SDCCAG8: variants seen among roughly 807,000 people sequenced by gnomAD.
SDCCAG8 encodes SHH signaling and ciliogenesis regulator SDCCAG8.
A neutral mutation model predicts 101.8 loss-of-function variants in SDCCAG8; 74 were observed. The observed-to-expected ratio is 0.73, with a 90% confidence interval of 0.60 to 0.88. The LOEUF is 0.88. Among genes scored for constraint, SDCCAG8 ranks in the 40% least tolerant of loss-of-function variants. SDCCAG8 has a pLI of 0.00. For synonymous variants in SDCCAG8, 281 were observed against 292.9 expected, an observed-to-expected ratio of 0.96 and a Z score of 0.41; for missense variants, 787 against 822.6, an observed-to-expected ratio of 0.96 and a Z score of 0.53.
rs185996541 is a variant in SDCCAG8 at position 243,320,632 on chromosome 1, C to T, written c.1068+3739C>T. 4.1e-3 allele frequency among the ~76,000 whole-genome samples: 629 copies of T among 152,236 alleles called. 4 individuals are homozygous for T. Among genetic ancestry groups the T allele is most frequent in the Non-Finnish European group, 6.1e-3 (415 of 68,016 alleles). ...CATTCACTGGCTGTGTGACCTTGGACGAGTTACTTTAACTTCTCTGTGCCC... is the reference window on the plus strand; with the variant it reads ...CATTCACTGGCTGTGTGACCTTGGATGAGTTACTTTAACTTCTCTGTGCCC... On this transcript the variant is annotated intron_variant, in intron 9 of 17. Transcript: ENST00000366541.
chr1:243,473,442 A>G (rs1661638731), intron 16 of SDCCAG8, among the ~76,000 whole-genome samples: 1 of 152,220 alleles, frequency 6.6e-6, no homozygotes. Flanking sequence ...AACAAAGTAA[A>G]AAATTCTCTT....
intron 13 of SDCCAG8, among the ~76,000 whole-genome samples, chr1:243,389,122 G>A (rs985862435): frequency 1.4e-4 from 21 of 151,728 alleles, no homozygotes; most frequent in Non-Finnish European, 5.9e-5. Flanking sequence ...ACTCCAGCCT[G>A]GGCGACAGAG....
intron 12 of SDCCAG8, among the ~76,000 whole-genome samples, chr1:243,374,159 C>G (rs951040035): frequency 6.6e-6 from 1 of 151,812 alleles, no homozygotes; most frequent in Non-Finnish European, 1.5e-5. Context: ...GAGGTGTCAT[C>G]AGTCAAAGAA....
At chr1:243,326,112 G>GA (rs920776209) in intron 9 of SDCCAG8, among the ~76,000 whole-genome samples, 5 of 149,790 alleles carry the variant, frequency 3.3e-5, no homozygotes, top group South Asian at 2.1e-4. Context: ...ACCCTCTAAG[G>GA]AAAAAAAAAA....
chr1:243,399,555 A>G (rs2079240371), intron 13 of SDCCAG8, among the ~76,000 whole-genome samples: 1 of 152,072 alleles, frequency 6.6e-6, no homozygotes, highest in South Asian at 2.1e-4. Flanking sequence ...CGCCCAGGCT[A>G]GAGTGCAGTG....
At chr1:243,266,287 C>T (rs1407777294) in intron 1 of SDCCAG8, among the ~76,000 whole-genome samples, 1 of 151,754 alleles carries the variant, frequency 6.6e-6, no homozygotes, top group Non-Finnish European at 1.5e-5. Flanking sequence ...AGATTTTGTA[C>T]CCTTTGACCA....
intron 7 of SDCCAG8, chr1:243,307,346 A>C: frequency 1.0e-6 from 1 of 979,766 alleles, no homozygotes; most frequent in Non-Finnish European, 1.2e-6. Flanking sequence ...CTACCCCTGA[A>C]ATCTTATGAC....
intron 3 of SDCCAG8, among the ~76,000 whole-genome samples, chr1:243,272,656 G>T (rs993570426): frequency 6.6e-6 from 1 of 152,146 alleles, no homozygotes; most frequent in African/African-American, 2.4e-5. Flanking sequence ...TTCACTAAGA[G>T]AATCAGTTTA....
intron 17 of SDCCAG8, among the ~76,000 whole-genome samples, chr1:243,492,162 G>A (rs1236295560): frequency 6.6e-6 from 1 of 151,900 alleles, no homozygotes; most frequent in Non-Finnish European, 1.5e-5. Context: ...GGCTGGCAGA[G>A]GGAGCCCCTG....
At chr1:243,498,883 C>T (rs1040865973) in intron 17 of SDCCAG8, among the ~76,000 whole-genome samples, 1 of 152,218 alleles carries the variant, frequency 6.6e-6, no homozygotes, top group African/African-American at 2.4e-5. Flanking sequence ...CAGTGCGTCC[C>T]AATTTATCTG....
At chr1:243,407,463 G>A (rs1255302713) in intron 13 of SDCCAG8, among the ~76,000 whole-genome samples, 1 of 152,160 alleles carries the variant, frequency 6.6e-6, no homozygotes, top group Non-Finnish European at 1.5e-5. Flanking sequence ...CATGCAAAGG[G>A]TGATGCGCTA....
At chr1:243,402,961 A>C (rs2079506703) in intron 13 of SDCCAG8, among the ~76,000 whole-genome samples, 1 of 152,208 alleles carries the variant, frequency 6.6e-6, no homozygotes, top group African/African-American at 2.4e-5. Flanking sequence ...CCAGCATCAC[A>C]TTATAATAAG....
intron 4 of SDCCAG8, among the ~76,000 whole-genome samples, chr1:243,282,308 C>T (rs2069130904): frequency 1.3e-5 from 2 of 151,878 alleles, no homozygotes; most frequent in Admixed American, 1.3e-4. Flanking sequence ...TATGCCACTT[C>T]TTGAATAGTA....
intron 15 of SDCCAG8, among the ~76,000 whole-genome samples, chr1:243,421,322 C>T (rs1354549029): frequency 6.6e-6 from 1 of 152,146 alleles, no homozygotes; most frequent in Non-Finnish European, 1.5e-5. Flanking sequence ...GACTGAAGCC[C>T]ATGCAGAATG....
chr1:243,351,330 C>T (rs1360916819), intron 12 of SDCCAG8, among the ~76,000 whole-genome samples: 2 of 152,208 alleles, frequency 1.3e-5, no homozygotes, highest in Non-Finnish European at 2.9e-5. Flanking sequence ...CTTACCCAGA[C>T]CAGTATGCTA....
At chr1:243,317,614 C>T (rs2073373737) in intron 9 of SDCCAG8, among the ~76,000 whole-genome samples, 1 of 152,190 alleles carries the variant, frequency 6.6e-6, no homozygotes, top group Non-Finnish European at 1.5e-5. Context: ...AGCCACTGCG[C>T]CCGGTCTTAG....
At chr1:243,468,095 T>C (rs1327394008) in intron 16 of SDCCAG8, among the ~76,000 whole-genome samples, 1 of 152,202 alleles carries the variant, frequency 6.6e-6, no homozygotes, top group African/African-American at 2.4e-5. Flanking sequence ...AGACCTGGGA[T>C]TGTGTTCCAG....
chr1:243,464,199 G>A (rs1659692260), intron 16 of SDCCAG8, among the ~76,000 whole-genome samples: 1 of 152,158 alleles, frequency 6.6e-6, no homozygotes, highest in South Asian at 2.1e-4. Context: ...TTTTCTGAAT[G>A]TTGTTCACTT....
chr1:243,498,237 C>T (rs893409985), intron 17 of SDCCAG8, among the ~76,000 whole-genome samples: 2 of 150,826 alleles, frequency 1.3e-5, no homozygotes, highest in Non-Finnish European at 2.9e-5. Flanking sequence ...ACAATCAGAT[C>T]GTGTTGGTGG....
Sources: allele counts gnomAD v4.1 joint callset (sites outside exome capture counted in the v4.1 genomes callset), GRCh38; gene constraint gnomAD v4.1.1; transcripts MANE v1.5; gene names NCBI Gene and HGNC (gene_info 2026-07-23, HGNC 2026-07-21).